The following FBXL7 variants were observed in gnomAD, a reference collection of about 807,000 sequenced individuals.
The protein encoded by FBXL7 is F-box and leucine rich repeat protein 7.
A neutral mutation model predicts 38.3 loss-of-function variants in FBXL7; 12 were observed. That is an observed-to-expected ratio of 0.31 (90% CI 0.20 to 0.51). FBXL7 has a LOEUF of 0.51. Among genes scored for constraint, FBXL7 ranks in the 20% least tolerant of loss-of-function variants. The pLI is 0.98. For missense variants in FBXL7, 567 were observed against 676.4 expected, an observed-to-expected ratio of 0.84 and a Z score of 1.79; for synonymous variants, 297 against 300.9, an observed-to-expected ratio of 0.99 and a Z score of 0.13.
intron 1 of FBXL7, among the ~76,000 whole-genome samples, chr5:15,501,950 T>A (rs560437585): frequency 2.0e-5 from 3 of 149,094 alleles, no homozygotes; most frequent in Non-Finnish European, 3.0e-5. Context: ...TTTTTGACAA[T>A]TTTTTTTTTA....
chr5:15,807,322 T>C (rs932485745), intron 2 of FBXL7, among the ~76,000 whole-genome samples: 1 of 152,176 alleles, frequency 6.6e-6, no homozygotes, highest in Admixed American at 6.5e-5. Flanking sequence ...TACACCATGC[T>C]GGTACTTGGA....
intron 2 of FBXL7, among the ~76,000 whole-genome samples, chr5:15,668,160 T>A (rs1301264138): frequency 2.0e-5 from 3 of 152,150 alleles, no homozygotes; most frequent in Non-Finnish European, 4.4e-5. Flanking sequence ...TGATTCTAAC[T>A]CCTTAGTTAG....
intron 2 of FBXL7, among the ~76,000 whole-genome samples, chr5:15,893,047 C>T (rs1740975030): frequency 6.7e-6 from 1 of 149,600 alleles, no homozygotes; most frequent in African/African-American, 2.5e-5. Flanking sequence ...ACCTGGGAGG[C>T]AGAGCTTGCA....
intron 1 of FBXL7, among the ~76,000 whole-genome samples, chr5:15,503,719 T>G (rs569883932): frequency 7.2e-5 from 11 of 152,370 alleles, no homozygotes; most frequent in African/African-American, 2.2e-4. Flanking sequence ...TTAAATTCCT[T>G]TAAATTTAAT....
chr5:15,621,333 C>G (rs1369175816), intron 2 of FBXL7, among the ~76,000 whole-genome samples: 1 of 152,108 alleles, frequency 6.6e-6, no homozygotes, highest in Non-Finnish European at 1.5e-5. Context: ...TCCATTTTTT[C>G]CCAACATAAT....
At chr5:15,884,862 T>C (rs544607966) in intron 2 of FBXL7, among the ~76,000 whole-genome samples, 26 of 152,324 alleles carry the variant, frequency 1.7e-4, no homozygotes, top group African/African-American at 5.1e-4. Context: ...GAAGGAAATA[T>C]AATAAGCTGT....
chr5:15,733,570 T>C (rs918202525), intron 2 of FBXL7, among the ~76,000 whole-genome samples: 1 of 152,116 alleles, frequency 6.6e-6, no homozygotes. Context: ...GACTGAAACA[T>C]AACTGTCCTA....
At chr5:15,714,418 CTCTTT>C (rs1324584480) in intron 2 of FBXL7, among the ~76,000 whole-genome samples, 7 of 152,150 alleles carry the variant, frequency 4.6e-5, no homozygotes, top group Non-Finnish European at 1.0e-4. Flanking sequence ...CCAATGAAAC[CTCTTT>C]TCTTTATAAA....
intron 2 of FBXL7, among the ~76,000 whole-genome samples, chr5:15,729,493 AAAG>A (rs1735515351): frequency 6.6e-6 from 1 of 152,122 alleles, no homozygotes; most frequent in Non-Finnish European, 1.5e-5. Flanking sequence ...ACTTCCTTAT[AAAG>A]AAGAAAGAAA....
chr5:15,655,225 G>T (rs1438476732), intron 2 of FBXL7, among the ~76,000 whole-genome samples: 1 of 152,212 alleles, frequency 6.6e-6, no homozygotes, highest in Non-Finnish European at 1.5e-5. Context: ...GCTGGGTGCG[G>T]TGGCTCACGC....
At chr5:15,608,502 GC>G (rs1243157315) in intron 1 of FBXL7, among the ~76,000 whole-genome samples, 2 of 152,148 alleles carry the variant, frequency 1.3e-5, no homozygotes, top group Non-Finnish European at 2.9e-5. Context: ...ACTTGGCCAG[GC>G]TATAGTACCA....
At chr5:15,666,837 A>C (rs902109799) in intron 2 of FBXL7, among the ~76,000 whole-genome samples, 1 of 152,176 alleles carries the variant, frequency 6.6e-6, no homozygotes, top group African/African-American at 2.4e-5. Context: ...GAAAACAAAA[A>C]ATAAAGTGAG....
intron 2 of FBXL7, among the ~76,000 whole-genome samples, chr5:15,618,323 T>C (rs2126522561): frequency 6.6e-6 from 1 of 152,324 alleles, no homozygotes; most frequent in South Asian, 2.1e-4. Flanking sequence ...CTTGTCCCTA[T>C]GAAAGATGCT....
At chr5:15,629,600 G>A (rs1740932871) in intron 2 of FBXL7, among the ~76,000 whole-genome samples, 1 of 152,224 alleles carries the variant, frequency 6.6e-6, no homozygotes, top group East Asian at 1.9e-4. Flanking sequence ...CTAGGCCACA[G>A]CCCAGTCAAC....
intron 2 of FBXL7, among the ~76,000 whole-genome samples, chr5:15,739,774 C>T (rs998913776): frequency 6.6e-6 from 1 of 152,088 alleles, no homozygotes. Flanking sequence ...ACCCATTAAT[C>T]AGTTGGTAGA....
At chr5:15,700,751 C>G (rs779969110) in intron 2 of FBXL7, among the ~76,000 whole-genome samples, 6 of 152,084 alleles carry the variant, frequency 3.9e-5, no homozygotes, top group Non-Finnish European at 8.8e-5. Context: ...AATTTATGGT[C>G]AATTCTTAGT....
chr5:15,831,041 G>A (rs908832484), intron 2 of FBXL7, among the ~76,000 whole-genome samples: 9 of 152,164 alleles, frequency 5.9e-5, no homozygotes, highest in Admixed American at 2.0e-4. Context: ...AAACCCAATG[G>A]CGTCCTTATC....
At chr5:15,782,695 A>G (rs751352982) in intron 2 of FBXL7, among the ~76,000 whole-genome samples, 24 of 152,144 alleles carry the variant, frequency 1.6e-4, no homozygotes, top group Non-Finnish European at 3.1e-4. Flanking sequence ...CAGGAGTGAC[A>G]GAGAAAGATC....
At chr5:15,757,998 G>A (rs919937619) in intron 2 of FBXL7, among the ~76,000 whole-genome samples, 2 of 151,810 alleles carry the variant, frequency 1.3e-5, no homozygotes, top group African/African-American at 2.4e-5. Flanking sequence ...CTTGGCACGC[G>A]TTCACGGTGA....
Sources: allele counts gnomAD v4.1 joint callset (sites outside exome capture counted in the v4.1 genomes callset), GRCh38; gene constraint gnomAD v4.1.1; transcripts MANE v1.5; gene names NCBI Gene and HGNC (gene_info 2026-07-23, HGNC 2026-07-21).